Variants in CD82 observed in about 807,000 individuals in gnomAD.
The protein encoded by CD82 is CD82 antigen.
A neutral mutation model predicts 37.4 loss-of-function variants in CD82; 36 were observed. The observed-to-expected ratio is 0.96, with a 90% CI of 0.74 to 1.27. The LOEUF (loss-of-function observed/expected upper bound fraction) is 1.27, where lower values mean the gene tolerates loss of function less well. Ranked by LOEUF, CD82 falls within the 50% of genes most tolerant of loss-of-function variation. CD82 has a pLI of 0.00. For synonymous variants in CD82, 158 were observed against 137.4 expected (o/e 1.15, Z -1.05); for missense variants, 340 against 347.0 (o/e 0.98, Z 0.16).
At position 44,615,295 on chromosome 11, in the gene CD82, C is replaced by T. The variant is rs761244897; in HGVS notation, c.360C>T (p.Ile120=). Residue 120 remains isoleucine (I), a synonymous_variant, in exon 7 of 10, where the codon ATC becomes ATT. Coordinates refer to ENST00000227155, the MANE Select transcript of CD82 (RefSeq NM_002231.4). The stretch of plus-strand genomic sequence containing the variant: ...AGCTGAAGCAGGAGATGGGCGGCAT[C>T]GTGACTGAGCTCATTCGAGACTACA... ...MGKLKQEMGG[I]VTELIRDYNS... is the part of the protein sequence containing the mutation. 31 of 1,612,702 alleles carry T rather than the reference C, an allele frequency of 1.9e-5. No homozygotes were observed. Among genetic ancestry groups the T allele is most frequent in the South Asian group, 5.5e-5 (5 of 91,052 alleles).
intron 4 of CD82, 68 bp downstream of exon 4, chr11:44,600,298 C>A: frequency 6.9e-7 from 1 of 1,448,164 alleles, no homozygotes; most frequent in Non-Finnish European, 9.7e-7. Flanking sequence ...GCAGATACAG[C>A]TGCTCCCATA....
intron 2 of CD82, among the ~76,000 whole-genome samples, chr11:44,592,736 T>G (rs115447411): frequency 6.6e-6 from 1 of 152,224 alleles, no homozygotes; most frequent in Non-Finnish European, 1.5e-5. Context: ...TCTCTAGGTC[T>G]GGGGAGTTGC....
chr11:44,596,371 T>A (rs1283790032), intron 3 of CD82, among the ~76,000 whole-genome samples: 4 of 152,204 alleles, frequency 2.6e-5, no homozygotes, highest in Non-Finnish European at 5.9e-5. Context: ...CCCTGGGGGC[T>A]TTAGGGACTA....
At chr11:44,584,853 G>A (rs941297904) in intron 1 of CD82, among the ~76,000 whole-genome samples, 1 of 152,192 alleles carries the variant, frequency 6.6e-6, no homozygotes, top group African/African-American at 2.4e-5. Context: ...CTCTTCCCGT[G>A]GGTGATCAGG....
At position 44,572,279 on chromosome 11, in the gene CD82, C is replaced by G. The variant is rs534741673; in HGVS notation, c.-103+6543C>G. Reference sequence around the variant, plus strand: ...TACAGGCAACTACATGTAACGTACCCGTTACGAAATACAATTATATAGATT... The same window carrying G: ...TACAGGCAACTACATGTAACGTACCGGTTACGAAATACAATTATATAGATT... On this transcript the variant is annotated intron_variant, in intron 1 of 9. Transcript: ENST00000227155. Among the ~76,000 whole-genome samples, 17 of 152,282 alleles carry G rather than the reference C, an allele frequency of 1.1e-4. No individual in the cohort carries two copies. In the South Asian group the frequency reaches 2.7e-3, roughly 24 times the overall value.
intron 6 of CD82, among the ~76,000 whole-genome samples, chr11:44,614,435 G>T (rs1243547079): frequency 6.6e-6 from 1 of 152,204 alleles, no homozygotes; most frequent in Non-Finnish European, 1.5e-5. Flanking sequence ...ATGGTGGTTA[G>T]GTGTGCATTC....
At chr11:44,587,019 GCTT>G (rs1853065171) in intron 1 of CD82, among the ~76,000 whole-genome samples, 1 of 152,314 alleles carries the variant, frequency 6.6e-6, no homozygotes, top group South Asian at 2.1e-4. Flanking sequence ...AACTCGGGCT[GCTT>G]CTTTGAGTCT....
intron 1 of CD82, among the ~76,000 whole-genome samples, chr11:44,584,308 C>T (rs1222618496): frequency 6.6e-6 from 1 of 152,094 alleles, no homozygotes; most frequent in Non-Finnish European, 1.5e-5. Context: ...TGTTTTGAGA[C>T]AGAGTTTTGT....
intron 6 of CD82, 152 bp downstream of exon 6, chr11:44,605,581 C>G (rs1565092036): frequency 1.4e-6 from 1 of 695,868 alleles, no homozygotes. Flanking sequence ...TCCTTGTGAT[C>G]AAATGGGGGA....
At chr11:44,605,595 T>G (rs1201485158) in intron 6 of CD82, among the ~76,000 whole-genome samples, 166 bp downstream of exon 6, 1 of 152,102 alleles carries the variant, frequency 6.6e-6, no homozygotes, top group Non-Finnish European at 1.5e-5. Context: ...TGGGGGAGCG[T>G]TAGAAGAGAA....
intron 4 of CD82, among the ~76,000 whole-genome samples, chr11:44,601,896 T>C (rs1001564464): frequency 6.6e-6 from 1 of 152,100 alleles, no homozygotes; most frequent in Non-Finnish European, 1.5e-5. Context: ...TAGGCACTTG[T>C]GTAAACTGAG....
chr11:44,609,244 C>T lies in CD82; in HGVS notation c.336+3815C>T, dbSNP rs1044215724. Among the ~76,000 whole-genome samples the T allele has an allele frequency of 2.0e-5, 3 of 152,294 alleles. No individual in the cohort carries two copies. The East Asian group carries it at 5.8e-4, about 29-fold the overall frequency. ...TTACCCAGACTCTCTGATCCACAGGCGAGCTCTTGGGCCATGCCCAGTGCA... is the reference window on the plus strand; with the variant it reads ...TTACCCAGACTCTCTGATCCACAGGTGAGCTCTTGGGCCATGCCCAGTGCA... On this transcript the variant is annotated intron_variant, in intron 6 of 9. Transcript: ENST00000227155.
intron 6 of CD82, among the ~76,000 whole-genome samples, chr11:44,613,727 G>C (rs1324410503): frequency 6.6e-6 from 1 of 152,140 alleles, no homozygotes; most frequent in Non-Finnish European, 1.5e-5. Flanking sequence ...GGAGGCTGAA[G>C]TGAGAGGATT....
At chr11:44,578,268 G>A (rs756531487) in intron 1 of CD82, among the ~76,000 whole-genome samples, 12 of 152,242 alleles carry the variant, frequency 7.9e-5, no homozygotes, top group East Asian at 3.9e-4. Flanking sequence ...TTGCTGGGTC[G>A]CCCAGGGAAG....
intron 1 of CD82, among the ~76,000 whole-genome samples, chr11:44,581,273 ACT>A (rs1565082527): frequency 6.6e-6 from 1 of 151,956 alleles, no homozygotes; most frequent in South Asian, 2.1e-4. Flanking sequence ...TTGGGGTTCA[ACT>A]CTCTGCCCAA....
At chr11:44,599,819 C>A (rs1293609878) in intron 3 of CD82, among the ~76,000 whole-genome samples, 1 of 152,182 alleles carries the variant, frequency 6.6e-6, no homozygotes, top group Non-Finnish European at 1.5e-5. Context: ...AGGCCCTGAA[C>A]TGGGTGGAGT....
Position 44,620,307 on chromosome 11 carries a change from A to T in CD82, c.*1181A>T, listed in dbSNP as rs1853646853. 1 of 152,166 alleles carries T rather than the reference A, an allele frequency of 6.6e-6. No homozygotes were observed. Among genetic ancestry groups the T allele is most frequent in the South Asian group, 2.1e-4 (1 of 4,826 alleles). The allele number at this position is 152,166 out of a possible 1,614,324, so 9.4% of individuals were successfully genotyped here. ...GAGGGGAGGGGGCTTTGTGTGCACC[A>T]TTCTGTAAAACACACTCAAGATTCT... On this transcript the variant is annotated 3_prime_UTR_variant, in exon 10 of 10. Transcript: ENST00000227155.
In CD82 at chr11:44,587,503, C is replaced by T. The variant is rs1317106849; in HGVS notation, c.-74C>T. 7 of 456,200 alleles carry T rather than the reference C, an allele frequency of 1.5e-5. No homozygotes were observed. The highest frequency in any genetic ancestry group is 7.7e-5 in the South Asian group (5 of 64,574). 28.3% of individuals were successfully genotyped at this position (456,200 alleles called of 1,614,324 possible). On this transcript the variant is annotated 5_prime_UTR_variant, in exon 2 of 10. In the 5' UTR this introduces an upstream ATG that the reference lacks. Transcript: ENST00000227155. ...CCTCCCTGCTGCTGTGTGGACGACA[C>T]GTGGGCACAGGCAGAAGTGGGCCCT...
intron 1 of CD82, among the ~76,000 whole-genome samples, chr11:44,575,893 A>G (rs1331065181): frequency 6.6e-6 from 1 of 152,152 alleles, no homozygotes; most frequent in Non-Finnish European, 1.5e-5. Context: ...GTGTCTAAGG[A>G]TGTTGAAAGT....
Sources: allele counts gnomAD v4.1 joint callset (sites outside exome capture counted in the v4.1 genomes callset), GRCh38; gene constraint gnomAD v4.1.1; transcripts MANE v1.5; gene names NCBI Gene and HGNC (gene_info 2026-07-23, HGNC 2026-07-21).